Variants in ENOX1 observed in about 807,000 individuals in gnomAD.
ENOX1 encodes ecto-NOX disulfide-thiol exchanger 1.
Under a neutral mutation model 82.5 loss-of-function variants are expected in ENOX1, and 42 were observed. That is an observed-to-expected ratio of 0.51 (90% CI 0.40 to 0.66). The LOEUF is 0.66. ENOX1 is among the 30% of genes least tolerant of loss of function. ENOX1 has a pLI of 0.00. For missense variants in ENOX1, 608 were observed against 811.6 expected (o/e 0.75, Z 3.05); for synonymous variants, 271 against 282.2 (o/e 0.96, Z 0.40).
At chr13:43,451,304 G>A (rs577429705) in intron 3 of ENOX1, among the ~76,000 whole-genome samples, 15 of 152,286 alleles carry the variant, frequency 9.8e-5, no homozygotes, top group Non-Finnish European at 2.1e-4. Context: ...GGCTGGTTAA[G>A]TAACCTGCTC....
rs57142007 is a variant in ENOX1, at chr13:43,616,158, A to C, written c.-219+51321T>G. Among the ~76,000 whole-genome samples, 56 of 6,646 alleles carry C rather than the reference A, an allele frequency of 8.4e-3. 11 individuals carry two copies. Among genetic ancestry groups the C allele is most frequent in the African/African-American group, 0.017 (55 of 3,328 alleles). The allele number at this position is 6,646 out of a possible 152,430, so 4.4% of individuals were successfully genotyped here. On this transcript the variant is annotated intron_variant, in intron 2 of 16. Coordinates refer to ENST00000690772, the MANE Select transcript of ENOX1 (RefSeq NM_001347969.2). ...TCTATCTAGATATCTATATAGATAG[A>C]TATCTATCTATCTATCTATCTATCT...
At chr13:43,346,268 C>T (rs2049374185) in intron 8 of ENOX1, among the ~76,000 whole-genome samples, 2 of 152,148 alleles carry the variant, frequency 1.3e-5, no homozygotes, top group Non-Finnish European at 2.9e-5. Flanking sequence ...GGTCCTACGG[C>T]TGAACTCTGG....
At chr13:43,697,165 T>C (rs1170508485) in intron 1 of ENOX1, among the ~76,000 whole-genome samples, 2 of 152,088 alleles carry the variant, frequency 1.3e-5, no homozygotes, top group East Asian at 3.9e-4. Context: ...GGGAAGGAAA[T>C]GAGTTCAATT....
chr13:43,259,964 G>T (rs9567138), intron 14 of ENOX1, among the ~76,000 whole-genome samples: 1 of 152,096 alleles, frequency 6.6e-6, no homozygotes, highest in Non-Finnish European at 1.5e-5. Context: ...CCATTCTTTC[G>T]TACAGGTTGT....
At chr13:43,364,596 A>C (rs2050730799) in intron 5 of ENOX1, among the ~76,000 whole-genome samples, 1 of 152,214 alleles carries the variant, frequency 6.6e-6, no homozygotes, top group African/African-American at 2.4e-5. Context: ...CCAGTGTTTT[A>C]TCAATTGGAT....
rs545298239 is a variant in ENOX1, at chr13:43,445,586, T to C, written c.-74-32598A>G. On this transcript the variant is annotated intron_variant, in intron 3 of 16. Transcript: ENST00000690772. ...GGTTCTGAATGGCGATTGAAGGGCA[T>C]GGATCCTGCTCAGGTGGTTTTTGTT... Among the ~76,000 whole-genome samples the C allele has an allele frequency of 1.9e-4, 29 of 152,132 alleles. 1 individual carries two copies. The highest frequency in any genetic ancestry group is 1.7e-3 in the South Asian group (8 of 4,822).
At chr13:43,265,287 G>T in intron 14 of ENOX1, 111 bp downstream of exon 14, 1 of 861,832 alleles carries the variant, frequency 1.2e-6, no homozygotes, top group Non-Finnish European at 1.8e-6. Flanking sequence ...ATCTTAAGCT[G>T]CTGACAGGCA....
intron 11 of ENOX1, among the ~76,000 whole-genome samples, chr13:43,301,239 C>A (rs1016593529): frequency 6.6e-5 from 10 of 152,028 alleles, no homozygotes; most frequent in African/African-American, 2.4e-4. Context: ...GTGAAGAAAT[C>A]GATTAGTACG....
At chr13:43,735,102 G>T (rs1005658344) in intron 1 of ENOX1, among the ~76,000 whole-genome samples, 1 of 152,038 alleles carries the variant, frequency 6.6e-6, no homozygotes, top group African/African-American at 2.4e-5. Context: ...AGTTTTGTAA[G>T]AAAGAAAAAA....
At chr13:43,400,187 C>T (rs1336281835) in intron 5 of ENOX1, among the ~76,000 whole-genome samples, 1 of 152,110 alleles carries the variant, frequency 6.6e-6, no homozygotes, top group Non-Finnish European at 1.5e-5. Context: ...AGTGTCCAGA[C>T]ATTTTACCAT....
chr13:43,751,390 C>T (rs916782622), intron 1 of ENOX1, among the ~76,000 whole-genome samples: 3 of 152,180 alleles, frequency 2.0e-5, no homozygotes, highest in Non-Finnish European at 4.4e-5. Context: ...ATAGTTTAAA[C>T]ACAATAAACT....
intron 2 of ENOX1, among the ~76,000 whole-genome samples, chr13:43,514,244 G>A (rs2077477592): frequency 6.6e-6 from 1 of 152,006 alleles, no homozygotes; most frequent in African/African-American, 2.4e-5. Flanking sequence ...AGAGTTTTTT[G>A]TTTTTAGTCC....
chr13:43,503,551 C>G (rs1248019868), intron 2 of ENOX1, among the ~76,000 whole-genome samples: 1 of 151,604 alleles, frequency 6.6e-6, no homozygotes, highest in African/African-American at 2.4e-5. Context: ...AACAATGGAG[C>G]AAAGTAGAGA....
chr13:43,249,401 T>C (rs1448227549), intron 14 of ENOX1, among the ~76,000 whole-genome samples: 2 of 152,138 alleles, frequency 1.3e-5, no homozygotes, highest in Non-Finnish European at 2.9e-5. Context: ...AAAAATCTCC[T>C]CAACCAATAA....
chr13:43,625,948 C>A (rs1033451940), intron 2 of ENOX1, among the ~76,000 whole-genome samples: 3 of 151,790 alleles, frequency 2.0e-5, no homozygotes, highest in Non-Finnish European at 3.0e-5. Context: ...TGATAGAATT[C>A]TCCAGTAAAA....
chr13:43,648,293 A>G (rs1228138541), intron 2 of ENOX1, among the ~76,000 whole-genome samples: 1 of 152,224 alleles, frequency 6.6e-6, no homozygotes, highest in African/African-American at 2.4e-5. Flanking sequence ...CACCTACCAC[A>G]GCCCAGACAC....
chr13:43,309,670 G>A (rs555550408), intron 11 of ENOX1, among the ~76,000 whole-genome samples: 14 of 152,280 alleles, frequency 9.2e-5, no homozygotes, highest in African/African-American at 2.9e-4. Context: ...ATTAGTCTTG[G>A]AGTCCTTGGG....
At chr13:43,609,784 T>C (rs1312890027) in intron 2 of ENOX1, 1 of 288,996 alleles carries the variant, frequency 3.5e-6, no homozygotes, top group Non-Finnish European at 5.2e-6. Context: ...ATAACTTCAT[T>C]ATTATGGCAT....
chr13:43,699,468 TC>T (rs2086804503), intron 1 of ENOX1, among the ~76,000 whole-genome samples: 1 of 152,206 alleles, frequency 6.6e-6, no homozygotes, highest in African/African-American at 2.4e-5. Context: ...AGAACTTTTC[TC>T]AGGCTTTTTG....
Sources: allele counts gnomAD v4.1 joint callset (sites outside exome capture counted in the v4.1 genomes callset), GRCh38; gene constraint gnomAD v4.1.1; transcripts MANE v1.5; gene names NCBI Gene and HGNC (gene_info 2026-07-23, HGNC 2026-07-21).